Variants in SZRD1 observed in about 807,000 individuals in gnomAD.
The protein encoded by SZRD1 is SUZ RNA-binding domain-containing.
Under a neutral mutation model 17.6 loss-of-function variants are expected in SZRD1, and 7 were observed. The ratio of observed to expected loss-of-function variants is 0.40; its 90% confidence interval spans 0.23 to 0.75. The LOEUF is 0.75. Ranked by LOEUF, SZRD1 falls within the 30% of genes least tolerant of loss-of-function variation. SZRD1 has a pLI of 0.38. For missense variants in SZRD1, 178 were observed against 201.8 expected (o/e 0.88, Z 0.71); for synonymous variants, 77 against 77.9 (o/e 0.99, Z 0.06).
intron 1 of SZRD1, among the ~76,000 whole-genome samples, chr1:16,371,999 C>T (rs1287408249): frequency 6.6e-6 from 1 of 152,134 alleles, no homozygotes; most frequent in East Asian, 1.9e-4. Flanking sequence ...GTATAGCTTC[C>T]GAATTCTTAG....
chr1:16,382,640 A>G (rs2083124656), intron 1 of SZRD1, among the ~76,000 whole-genome samples: 1 of 149,818 alleles, frequency 6.7e-6, no homozygotes. Context: ...GATTACAGGC[A>G]TGCGCCATCA....
intron 1 of SZRD1, among the ~76,000 whole-genome samples, chr1:16,381,035 A>G (rs544467942): frequency 6.1e-5 from 9 of 148,114 alleles, no homozygotes; most frequent in Middle Eastern, 3.6e-3. Context: ...GTGAGCTATG[A>G]TTGCATCACT....
At position 16,392,997 on chromosome 1, in the gene SZRD1, G is replaced by A. The variant is rs532706842; in HGVS notation, c.102-231G>A. On this transcript the variant is annotated intron_variant, in intron 2 of 3. Transcript: ENST00000401088. ...TGGCGTTCCAGCCCCTGTGGCCAGG[G>A]GTTAGGGCTGAGGAGCAGTTCCTGT... is the stretch of plus-strand genomic sequence containing the variant. Among the ~76,000 whole-genome samples, 7 of 152,352 alleles carry A rather than the reference G, an allele frequency of 4.6e-5. No homozygotes were observed. In the South Asian group the frequency reaches 1.0e-3, roughly 23 times the overall value.
chr1:16,385,310 G>C (rs565034674), intron 1 of SZRD1, among the ~76,000 whole-genome samples: 1 of 152,206 alleles, frequency 6.6e-6, no homozygotes, highest in South Asian at 2.1e-4. Flanking sequence ...ACCAGAAAGG[G>C]TGAGACACCC....
intron 1 of SZRD1, among the ~76,000 whole-genome samples, chr1:16,385,472 C>T (rs1344586061): frequency 1.3e-5 from 2 of 152,210 alleles, no homozygotes; most frequent in African/African-American, 4.8e-5. Flanking sequence ...GGTGCTTATA[C>T]TTGCTGTGCT....
At chr1:16,380,300 C>T (rs993102816) in intron 1 of SZRD1, among the ~76,000 whole-genome samples, 7 of 150,570 alleles carry the variant, frequency 4.6e-5, no homozygotes, top group Admixed American at 1.3e-4. Flanking sequence ...CATAGAGAGA[C>T]GCTCGTCTCT....
intron 1 of SZRD1, among the ~76,000 whole-genome samples, chr1:16,377,562 C>CAAAAAAAAAAAAAAAAAAAAAAAAA (rs34066824): frequency 1.6e-5 from 1 of 62,056 alleles, no homozygotes; most frequent in African/African-American, 6.4e-5. Flanking sequence ...GACTCTGTCT[C>CAAAAAAAAAAAAAAAAAAAAAAAAA]AAAAAAAAAA....
At chr1:16,387,555 C>T (rs1439044560) in intron 1 of SZRD1, 1 of 456,640 alleles carries the variant, frequency 2.2e-6, no homozygotes, top group Admixed American at 2.3e-5. Context: ...GGCAAGTGCT[C>T]TTTGGTGCCC....
At chr1:16,386,760 C>T (rs758111289) in intron 1 of SZRD1, among the ~76,000 whole-genome samples, 4 of 152,130 alleles carry the variant, frequency 2.6e-5, no homozygotes, top group Non-Finnish European at 5.9e-5. Context: ...ATGGAAGAAT[C>T]CCTCTCCAGC....
chr1:16,382,109 G>C (rs2083114222), intron 1 of SZRD1, among the ~76,000 whole-genome samples: 2 of 152,136 alleles, frequency 1.3e-5, no homozygotes, highest in Non-Finnish European at 2.9e-5. Context: ...GCCAGATTTA[G>C]TAGAGACCCG....
chr1:16,386,178 A>G (rs941568221), intron 1 of SZRD1, among the ~76,000 whole-genome samples: 1 of 152,208 alleles, frequency 6.6e-6, no homozygotes, highest in Non-Finnish European at 1.5e-5. Context: ...ATAGGAGATC[A>G]CTTTCCTGGC....
Position 16,389,278 on chromosome 1 carries a change from G to C in SZRD1, c.52-2097G>C, listed in dbSNP as rs866519828. On this transcript the variant is annotated intron_variant, in intron 1 of 3. Transcript: ENST00000401088. Reference sequence around the variant, plus strand: ...TTTTGTATTTTTTTGAGGGGGGGTGGGGGGGGGGCAGAGTCTTGCTCTGTC... The same window carrying C: ...TTTTGTATTTTTTTGAGGGGGGGTGCGGGGGGGGCAGAGTCTTGCTCTGTC... 6.6e-3 allele frequency among the ~76,000 whole-genome samples: 796 copies of C among 121,362 alleles called. 10 individuals carry two copies. The highest frequency in any genetic ancestry group is 8.1e-3 in the Non-Finnish European group (488 of 60,446). 79.6% of individuals were successfully genotyped at this position (121,362 alleles called of 152,430 possible).
chr1:16,372,110 TTTTTTC>T (rs772551370), intron 1 of SZRD1, among the ~76,000 whole-genome samples: 5 of 152,200 alleles, frequency 3.3e-5, no homozygotes, highest in Non-Finnish European at 4.4e-5. Flanking sequence ...TGGCAAACAC[TTTTTTC>T]TTTTTCTTTT....
In SZRD1 at chr1:16,390,129, A is replaced by G. The variant is rs12079864; in HGVS notation, c.52-1246A>G. Among the ~76,000 whole-genome samples, 1,063 of 152,372 alleles carry G rather than the reference A, an allele frequency of 7.0e-3. 9 individuals are homozygous for G. Among genetic ancestry groups the G allele is most frequent in the African/African-American group, 0.025 (1,022 of 41,580 alleles). ...CAGAATTTTGCATACAGTTTCTTCC[A>G]TCTCCATTAGAGCTAGTTGATCTTG... On this transcript the variant is annotated intron_variant, in intron 1 of 3. Coordinates refer to ENST00000401088, the MANE Select transcript of SZRD1 (RefSeq NM_001114600.3).
rs939607182 is a variant in SZRD1, at chr1:16,391,310, A to G, written c.52-65A>G. 18 of 1,266,998 alleles carry G rather than the reference A, an allele frequency of 1.4e-5. No individual in the cohort carries two copies. The highest frequency in any genetic ancestry group is 1.3e-5 in the South Asian group (1 of 77,116). 78.5% of individuals were successfully genotyped at this position (1,266,998 alleles called of 1,614,324 possible). A position where few individuals can be genotyped will look rare whatever the true frequency, so the allele number is the denominator to read the frequency against. ...AAGGACACTGCCCTTAGCTCCAAAA[A>G]TAAAGACTAAGTTTTTATTTGAGAG... On this transcript the variant is annotated intron_variant, in intron 1 of 3. Coordinates refer to ENST00000401088, the MANE Select transcript of SZRD1 (RefSeq NM_001114600.3). This position sits in a 1 kb window ranked among gnomAD's most constrained non-coding sequence, Gnocchi z 4.3.
chr1:16,367,808 C>G lies in SZRD1; in HGVS notation c.51+500C>G, dbSNP rs145259437. The G allele has an allele frequency of 2.0e-3, 315 of 155,382 alleles. 2 individuals carry two copies. The highest frequency in any genetic ancestry group is 6.4e-3 in the Middle Eastern group (2 of 312). 9.6% of individuals were successfully genotyped at this position (155,382 alleles called of 1,614,324 possible). A position where few individuals can be genotyped will look rare whatever the true frequency, so the allele number is the denominator to read the frequency against. ...ATTGAATCCTCTTTGGGCTACTCAA[C>G]TCTGCTAAAATCCCCCACCATCCGT... On this transcript the variant is annotated intron_variant, in intron 1 of 3. Coordinates refer to ENST00000401088, the MANE Select transcript of SZRD1 (RefSeq NM_001114600.3).
At position 16,393,633 on chromosome 1, in the gene SZRD1, C is replaced by G; in HGVS notation, c.356+151C>G. ...ACTTGCTGATCCCAGCCTGCTGGCA[C>G]TAGTTCACTGTGCCGCATTGGCTGG... On this transcript the variant is annotated intron_variant, in intron 3 of 3. Transcript: ENST00000401088. This position sits in a 1 kb window ranked among gnomAD's most constrained non-coding sequence, Gnocchi z 5.6. 2 of 898,928 alleles carry G rather than the reference C, an allele frequency of 2.2e-6. No homozygotes were observed. The highest frequency in any genetic ancestry group is 3.3e-6 in the Non-Finnish European group (2 of 602,808). 55.7% of individuals were successfully genotyped at this position (898,928 alleles called of 1,614,324 possible).
At chr1:16,384,858 C>T (rs1224904866) in intron 1 of SZRD1, among the ~76,000 whole-genome samples, 1 of 152,134 alleles carries the variant, frequency 6.6e-6, no homozygotes, top group Non-Finnish European at 1.5e-5. Context: ...TCAGATCTCC[C>T]CGGGTCCACT....
At chr1:16,379,760 G>GTT (rs35016930) in intron 1 of SZRD1, among the ~76,000 whole-genome samples, 1,438 of 130,966 alleles carry the variant, frequency 0.011, 20 homozygotes, top group Non-Finnish European at 0.016. Flanking sequence ...TTGATTTGGG[G>GTT]TTTTTTTTTT....
Sources: allele counts gnomAD v4.1 joint callset (sites outside exome capture counted in the v4.1 genomes callset), GRCh38; gene constraint gnomAD v4.1.1; non-coding constraint Gnocchi (gnomAD v3.1); transcripts MANE v1.5; gene names NCBI Gene and HGNC (gene_info 2026-07-23, HGNC 2026-07-21).